XG: variants seen among roughly 807,000 people sequenced by gnomAD.
XG encodes glycoprotein Xg.
In XG, 24 loss-of-function variants were observed where a neutral mutation model predicts 25.7. The observed-to-expected ratio is 0.93, with a 90% CI of 0.68 to 1.31. The LOEUF is 1.31. Ranked by LOEUF, XG falls within the 40% of genes most tolerant of loss-of-function variation. The pLI, the probability that XG is intolerant of heterozygous loss-of-function variation, is 0.00. For missense variants in XG, 181 were observed against 187.6 expected (o/e 0.96, Z 0.21); for synonymous variants, 77 against 69.2 (o/e 1.11, Z -0.56).
At chrX:2,766,388 C>T (rs1452726057) in intron 1 of XG, among the ~76,000 whole-genome samples, 2 of 151,908 alleles carry the variant, frequency 1.3e-5, no homozygotes, top group East Asian at 3.9e-4. Context: ...ATCTGCCCTC[C>T]TCGGCCTCCC....
chrX:2,814,196 A>G lies in XG; in HGVS notation c.572-168A>G, dbSNP rs368088367. 2.5e-4 allele frequency among the ~76,000 whole-genome samples: 28 copies of G among 111,695 alleles called. No homozygotes were observed. The South Asian group carries it at 7.8e-3, about 31-fold the overall frequency. ...AACATTGTATATATTTAAGATGTGC[A>G]ACTTCATTTCTGCTTCATTTTTTTC... On this transcript the variant is annotated intron_variant, in intron 10 of 10. Transcript: ENST00000644266.
chrX:2,778,022 G>T (rs2051039278), intron 3 of XG, among the ~76,000 whole-genome samples: 1 of 152,206 alleles, frequency 6.6e-6, no homozygotes, highest in Non-Finnish European at 1.5e-5. Flanking sequence ...AGAAAGCCAA[G>T]TTGGGCTAGC....
intron 9 of XG, chrX:2,808,632 A>G: frequency 1.5e-6 from 1 of 664,467 alleles, no homozygotes; most frequent in Non-Finnish European, 1.8e-6. Flanking sequence ...ATCCCGTCTC[A>G]GGTCAAAGGA....
At chrX:2,794,442 C>T (rs1718443129) in intron 5 of XG, 93 bp from the exon 6 acceptor site, 15 of 1,011,380 alleles carry the variant, frequency 1.5e-5, no homozygotes, top group South Asian at 2.4e-5. Context: ...ACGCTCTTCT[C>T]CAAAACCTGT....
chrX:2,772,086 T>A (rs757670409), intron 2 of XG, among the ~76,000 whole-genome samples: 5 of 152,276 alleles, frequency 3.3e-5, no homozygotes, highest in African/African-American at 1.2e-4. Flanking sequence ...GGATAAAGAA[T>A]GAGGCATATC....
intron 9 of XG, among the ~76,000 whole-genome samples, chrX:2,810,598 G>A (rs926255276): frequency 5.4e-5 from 6 of 111,011 alleles, no homozygotes; most frequent in African/African-American, 2.0e-4. Context: ...GAGCTTAGGC[G>A]GCATAGTGAG....
chrX:2,765,621 T>A (rs2050667510), intron 1 of XG, among the ~76,000 whole-genome samples: 1 of 152,336 alleles, frequency 6.6e-6, no homozygotes, highest in African/African-American at 2.4e-5. Flanking sequence ...ATAGTCTCTG[T>A]GTGTTCCTTT....
intron 1 of XG, among the ~76,000 whole-genome samples, chrX:2,763,686 T>C (rs951740738): frequency 1.4e-4 from 21 of 152,308 alleles, no homozygotes; most frequent in African/African-American, 5.1e-4. Context: ...ATAGCCTGCA[T>C]GTATTATGGC....
chrX:2,814,557 G>A lies in XG; in HGVS notation c.*177G>A. 1.9e-6 allele frequency: 1 copy of A among 539,884 alleles called. No individual in the cohort carries two copies. The allele number at this position is 539,884 out of a possible 1,213,427, so 44.5% of individuals were successfully genotyped here. ...GCATTCCCAACTCATTGAATGTGAT[G>A]TGGTTATAAAGATAAGTTAGGCAGC... On this transcript the variant is annotated 3_prime_UTR_variant, in exon 11 of 11. Coordinates refer to ENST00000644266, the MANE Select transcript of XG (RefSeq NM_001141919.2).
chrX:2,767,373 A>G (rs1335909927), intron 1 of XG, among the ~76,000 whole-genome samples: 1 of 152,046 alleles, frequency 6.6e-6, no homozygotes, highest in Admixed American at 6.6e-5. Context: ...CGACATCTCC[A>G]GGATGCCAGC....
At chrX:2,790,585 C>A (rs1256936965) in intron 5 of XG, among the ~76,000 whole-genome samples, 1 of 110,911 alleles carries the variant, frequency 9.0e-6, no homozygotes, top group Non-Finnish European at 1.9e-5. Flanking sequence ...GGCAGATCAC[C>A]TGAGGTCAGG....
At chrX:2,778,767 A>G (rs1177358344) in intron 3 of XG, among the ~76,000 whole-genome samples, 1 of 150,252 alleles carries the variant, frequency 6.7e-6, no homozygotes, top group African/African-American at 2.5e-5. Flanking sequence ...TCTCAACCTC[A>G]TGCGATACTT....
chrX:2,757,994 AAAG>A (rs2050473806), intron 1 of XG, among the ~76,000 whole-genome samples: 1 of 144,260 alleles, frequency 6.9e-6, no homozygotes, highest in Non-Finnish European at 1.5e-5. Context: ...AAAAAAAAAA[AAAG>A]GAAAAAAAAG....
intron 3 of XG, among the ~76,000 whole-genome samples, chrX:2,777,683 T>C (rs2124476000): frequency 6.6e-6 from 1 of 152,212 alleles, no homozygotes; most frequent in Non-Finnish European, 1.5e-5. Context: ...TAAAATAAAA[T>C]AGTAGGAATA....
chrX:2,767,614 C>G (rs1023500332), intron 1 of XG, among the ~76,000 whole-genome samples: 1 of 152,108 alleles, frequency 6.6e-6, no homozygotes, highest in Non-Finnish European at 1.5e-5. Context: ...GACAGAGACC[C>G]CAGAGTTAGC....
chrX:2,778,775 C>T (rs866296154), intron 3 of XG, among the ~76,000 whole-genome samples: 1,870 of 140,144 alleles, frequency 0.013, 30 homozygotes, highest in African/African-American at 0.046. Flanking sequence ...TCATGCGATA[C>T]TTTTTTTTTT....
intron 7 of XG, among the ~76,000 whole-genome samples, chrX:2,804,548 C>G (rs751703973): frequency 2.7e-5 from 3 of 111,429 alleles, no homozygotes; most frequent in Non-Finnish European, 3.8e-5. Flanking sequence ...GCGAGCCGTC[C>G]CCACACCCCT....
At chrX:2,780,255 T>A (rs2051089256) in intron 3 of XG, among the ~76,000 whole-genome samples, 2 of 151,812 alleles carry the variant, frequency 1.3e-5, no homozygotes, top group Non-Finnish European at 2.9e-5. Flanking sequence ...AGAAGAGGGA[T>A]ATGATCATTC....
chrX:2,766,361 G>A (rs1259108723), intron 1 of XG, among the ~76,000 whole-genome samples: 3 of 151,852 alleles, frequency 2.0e-5, no homozygotes, highest in African/African-American at 2.4e-5. Flanking sequence ...GGATGGTCTC[G>A]ATCTCTTGAC....
Sources: gnomAD v4.1 joint callset for allele counts (sites outside exome capture counted in the v4.1 genomes callset) on GRCh38, gnomAD v4.1.1 for gene constraint, MANE v1.5 for transcripts, NCBI Gene and HGNC (gene_info 2026-07-23, HGNC 2026-07-21) for gene names.